Variants in STARD13 observed in about 807,000 individuals in gnomAD.
STARD13 encodes StAR related lipid transfer domain containing 13.
A neutral mutation model predicts 106.4 loss-of-function variants in STARD13; 62 were observed. The ratio of observed to expected loss-of-function variants is 0.58; its 90% confidence interval spans 0.48 to 0.72. STARD13 has a LOEUF of 0.72. Among genes scored for constraint, STARD13 ranks in the 30% least tolerant of loss-of-function variants. The pLI is 0.00. For missense variants in STARD13, 1,387 were observed against 1,424.0 expected, an observed-to-expected ratio of 0.97 and a Z score of 0.42; for synonymous variants, 565 against 553.0, an observed-to-expected ratio of 1.02 and a Z score of -0.31.
chr13:33,256,191 T>A lies in STARD13; in HGVS notation c.169+29279A>T, dbSNP rs4943085. Among the ~76,000 whole-genome samples, 56 of 152,372 alleles carry A rather than the reference T, an allele frequency of 3.7e-4. No homozygotes were observed. The East Asian group carries it at 8.1e-3, about 22-fold the overall frequency. On this transcript the variant is annotated intron_variant, in intron 1 of 13. Transcript: ENST00000336934. ...CTTGAACCTGTCACCAGCCCTGGGCTGTGACCACTCTGATGTGCAGATTTT... is the reference window on the plus strand; with the variant it reads ...CTTGAACCTGTCACCAGCCCTGGGCAGTGACCACTCTGATGTGCAGATTTT...
chr13:33,552,033 TAAATA>T, the STARD13 span, among the ~76,000 whole-genome samples: 93 of 152,138 alleles, frequency 6.1e-4, no homozygotes, highest in Admixed American at 3.1e-3. Flanking sequence ...GAGACAAAAA[TAAATA>T]AAATACTTGA....
chr13:33,581,076 A>T, the STARD13 span, among the ~76,000 whole-genome samples: 1 of 152,114 alleles, frequency 6.6e-6, no homozygotes, highest in Non-Finnish European at 1.5e-5. Context: ...CAAAGAGAAA[A>T]TTTTCTGGAC....
At chr13:33,456,729 C>T in the STARD13 span, among the ~76,000 whole-genome samples, 1 of 152,176 alleles carries the variant, frequency 6.6e-6, no homozygotes, top group Non-Finnish European at 1.5e-5. Context: ...CACCAGAAAG[C>T]TACCTTGTCC....
the STARD13 span, among the ~76,000 whole-genome samples, chr13:33,434,885 G>A: frequency 0.34 from 47,517 of 141,580 alleles, 8,421 homozygotes; most frequent in African/African-American, 0.48. Context: ...AGGAAGGGAG[G>A]GAAGGAAAGA....
At chr13:33,634,079 T>A in the STARD13 span, among the ~76,000 whole-genome samples, 2 of 152,210 alleles carry the variant, frequency 1.3e-5, no homozygotes, top group Admixed American at 1.3e-4. Context: ...TGAAAAGAAT[T>A]TTTGTTAAAA....
At chr13:33,415,521 A>G in the STARD13 span, among the ~76,000 whole-genome samples, 30 of 152,164 alleles carry the variant, frequency 2.0e-4, no homozygotes, top group Non-Finnish European at 1.2e-4. Context: ...AATTCTTAGG[A>G]CATCAATTAA....
chr13:33,544,593 C>T, the STARD13 span, among the ~76,000 whole-genome samples: 5 of 151,954 alleles, frequency 3.3e-5, no homozygotes, highest in African/African-American at 1.2e-4. Flanking sequence ...GTAAGCTTCC[C>T]CCTCTCTGCT....
chr13:33,206,925 C>T (rs549196601), intron 1 of STARD13, among the ~76,000 whole-genome samples: 4 of 152,266 alleles, frequency 2.6e-5, no homozygotes, highest in Admixed American at 6.5e-5. Context: ...TTTTATTTCT[C>T]GGCAGTGTCC....
At chr13:33,415,865 TA>T in the STARD13 span, among the ~76,000 whole-genome samples, 1 of 152,220 alleles carries the variant, frequency 6.6e-6, no homozygotes, top group Non-Finnish European at 1.5e-5. Flanking sequence ...ATCTGTAAGA[TA>T]GATTAGAAAA....
intron 4 of STARD13, among the ~76,000 whole-genome samples, chr13:33,135,020 T>G (rs1332640236): frequency 6.6e-6 from 1 of 152,256 alleles, no homozygotes; most frequent in Admixed American, 6.5e-5. Context: ...CAGTGCCCAT[T>G]GCATTCTGCA....
At chr13:33,354,052 T>C (rs1026896000), upstream of STARD13, among the ~76,000 whole-genome samples, 1 of 152,222 alleles carries the variant, frequency 6.6e-6, no homozygotes, top group Non-Finnish European at 1.5e-5. Context: ...CTCTTTCATC[T>C]CTATTTCCTA....
chr13:33,565,906 T>C, the STARD13 span, among the ~76,000 whole-genome samples: 1 of 148,694 alleles, frequency 6.7e-6, no homozygotes, highest in Non-Finnish European at 1.5e-5. Context: ...CTTTCTCCTT[T>C]ATGCTTTTAA....
the STARD13 span, among the ~76,000 whole-genome samples, chr13:33,620,826 T>C: frequency 4.0e-5 from 6 of 151,058 alleles, no homozygotes; most frequent in African/African-American, 1.4e-4. Context: ...AAAAATTTAA[T>C]ACATAGAAAT....
At chr13:33,176,383 A>G (rs797221) in intron 1 of STARD13, among the ~76,000 whole-genome samples, 124,999 of 152,098 alleles carry the variant, frequency 0.82, 51,414 homozygotes, top group South Asian at 0.89. Context: ...CGTAGGCAAC[A>G]GCATTGGCAG....
the STARD13 span, among the ~76,000 whole-genome samples, chr13:33,423,972 A>G: frequency 2.0e-5 from 3 of 152,156 alleles, no homozygotes; most frequent in African/African-American, 4.8e-5. Context: ...GAGGGATAGC[A>G]TTAGGAGAAA....
chr13:33,126,298 C>T, intron 6 of STARD13, 58 bp from the exon 7 acceptor site: 1 of 1,569,960 alleles, frequency 6.4e-7, no homozygotes. Context: ...TGGGGTGAGG[C>T]TCTGGAAGCA....
At chr13:33,361,417 G>A in the STARD13 span, among the ~76,000 whole-genome samples, 1 of 152,138 alleles carries the variant, frequency 6.6e-6, no homozygotes, top group African/African-American at 2.4e-5. Context: ...TAGGCTATTC[G>A]TAGTTAAGTT....
At chr13:33,142,187 C>A in intron 4 of STARD13, 123 bp downstream of exon 4, 1 of 766,916 alleles carries the variant, frequency 1.3e-6, no homozygotes, top group Non-Finnish European at 2.2e-6. Flanking sequence ...GCCACTGTGC[C>A]CAGCTAATTT....
the STARD13 span, among the ~76,000 whole-genome samples, chr13:33,596,587 A>G: frequency 6.6e-6 from 1 of 152,232 alleles, no homozygotes; most frequent in Non-Finnish European, 1.5e-5. Flanking sequence ...AATTTGAAAC[A>G]TATAATAAAC....
Sources: allele counts gnomAD v4.1 joint callset (sites outside exome capture counted in the v4.1 genomes callset), GRCh38; gene constraint gnomAD v4.1.1; transcripts MANE v1.5; gene names NCBI Gene and HGNC (gene_info 2026-07-23, HGNC 2026-07-21).